THOC7: variants seen among roughly 807,000 people sequenced by gnomAD.
THOC7 encodes NIF3L1-binding protein 1.
THOC7 carries 22 observed loss-of-function variants against 33.1 expected under a neutral mutation model. The ratio of observed to expected loss-of-function variants is 0.66; its 90% CI spans 0.47 to 0.95. The LOEUF is 0.95. THOC7 is among the 40% of genes least tolerant of loss of function. The pLI is 0.00. For synonymous variants in THOC7, 77 were observed against 76.8 expected, an observed-to-expected ratio of 1.00 and a Z score of -0.01; for missense variants, 184 against 245.3, an observed-to-expected ratio of 0.75 and a Z score of 1.67.
Position 63,837,990 on chromosome 3 carries a change from C to T in THOC7, c.338G>A (p.Arg113Gln), listed in dbSNP as rs1421286517. 6 of 1,606,930 alleles carry T rather than the reference C, an allele frequency of 3.7e-6. No individual in the cohort carries two copies. Among genetic ancestry groups the T allele is most frequent in the East Asian group, 2.3e-5 (1 of 44,308 alleles). Residue 113 changes from arginine to glutamine, a missense_variant, in exon 4 of 8, where the codon CGA becomes CAA. Arg to Gln is a conservative substitution (Grantham distance 43). Around this residue, in one of 3 missense-constraint regions of THOC7, gnomAD observed 157 missense variants for 201.3 expected, o/e 0.78. Transcript: ENST00000295899. ...KKQILQAKRIRKNRQEYDALA... is the reference protein window; with the variant it reads ...KKQILQAKRIQKNRQEYDALA... ...AAAACCCTTACCTTGGCGATTTTTT[C>T]GTATTCGTTTTGCTTGAAGAATTTG... is the stretch of plus-strand genomic sequence containing the variant.
At chr3:63,856,131 C>T (rs1463333634) in intron 1 of THOC7, among the ~76,000 whole-genome samples, 1 of 151,984 alleles carries the variant, frequency 6.6e-6, no homozygotes, top group Non-Finnish European at 1.5e-5. Flanking sequence ...AGACTATACA[C>T]ACTGATATAA....
intron 2 of THOC7, among the ~76,000 whole-genome samples, chr3:63,839,266 C>T (rs896847361): frequency 4.6e-5 from 7 of 152,146 alleles, no homozygotes; most frequent in African/African-American, 1.7e-4. Context: ...TCTGCCATTT[C>T]TGCCATTAAA....
Position 63,838,068 on chromosome 3 carries a change from T to C in THOC7, c.266-6A>G. The C allele has an allele frequency of 1.3e-6, 2 of 1,584,824 alleles. No homozygotes were observed. The highest frequency in any genetic ancestry group is 2.3e-5 in the East Asian group (1 of 44,358). On this transcript the variant is annotated splice_region_variant and splice_polypyrimidine_tract_variant and intron_variant, in intron 3 of 7. Coordinates refer to ENST00000295899, the MANE Select transcript of THOC7 (RefSeq NM_025075.4). ...TGCTCCAGCTATGCTACATTCTATA[T>C]GAGAAGGTTTTTTAAAAGATAGTTG... is the stretch of plus-strand genomic sequence containing the variant.
At chr3:63,848,221 G>A (rs1485937503) in intron 1 of THOC7, 1 of 152,128 alleles carries the variant, frequency 6.6e-6, no homozygotes, top group South Asian at 2.1e-4. Context: ...GAGATTAAGA[G>A]TCTGGCACCT....
At chr3:63,836,425 G>A in intron 4 of THOC7, 67 bp from the exon 5 acceptor site, 2 of 1,458,406 alleles carry the variant, frequency 1.4e-6, no homozygotes, top group Non-Finnish European at 1.9e-6. Flanking sequence ...AACAAAATGT[G>A]TAATATCACA....
intron 7 of THOC7, 30 bp downstream of exon 7, chr3:63,835,124 A>G (rs1226489648): frequency 6.2e-7 from 1 of 1,606,820 alleles, no homozygotes; most frequent in Non-Finnish European, 8.5e-7. Flanking sequence ...AATCTTCATA[A>G]GCATTTACTT....
intron 1 of THOC7, among the ~76,000 whole-genome samples, chr3:63,859,536 G>T (rs553512355): frequency 1.3e-5 from 2 of 152,286 alleles, no homozygotes; most frequent in East Asian, 3.9e-4. Context: ...CTCTTCATGT[G>T]GTTGAACCTG....
chr3:63,860,659 A>G (rs1030340933), intron 1 of THOC7: 3 of 152,150 alleles, frequency 2.0e-5, no homozygotes, highest in African/African-American at 7.2e-5. Context: ...TTAATGTACT[A>G]GACTTTATCC....
At chr3:63,858,060 A>C (rs1702144398) in intron 1 of THOC7, among the ~76,000 whole-genome samples, 1 of 152,244 alleles carries the variant, frequency 6.6e-6, no homozygotes, top group Non-Finnish European at 1.5e-5. Flanking sequence ...CAAATGTCTA[A>C]TTAACATTGG....
chr3:63,859,867 T>C (rs544406907), intron 1 of THOC7, among the ~76,000 whole-genome samples: 3 of 152,380 alleles, frequency 2.0e-5, no homozygotes, highest in Admixed American at 2.0e-4. Flanking sequence ...AGTTGTAGTT[T>C]GTCTTTCCTC....
chr3:63,845,787 G>C (rs1192693858), intron 1 of THOC7, among the ~76,000 whole-genome samples: 1 of 152,152 alleles, frequency 6.6e-6, no homozygotes, highest in African/African-American at 2.4e-5. Flanking sequence ...CTAAAGATCT[G>C]AGTACCCTCC....
intron 1 of THOC7, among the ~76,000 whole-genome samples, chr3:63,840,749 A>G (rs1361905765): frequency 6.6e-6 from 1 of 152,260 alleles, no homozygotes; most frequent in Non-Finnish European, 1.5e-5. Context: ...AAACCACAGT[A>G]AAACGTCATT....
chr3:63,840,644 C>G (rs902201085), intron 1 of THOC7, among the ~76,000 whole-genome samples: 4 of 152,096 alleles, frequency 2.6e-5, no homozygotes, highest in African/African-American at 9.7e-5. Flanking sequence ...TGATGGCCAA[C>G]AAGTGGGGTC....
At chr3:63,860,243 C>G (rs1366020397) in intron 1 of THOC7, among the ~76,000 whole-genome samples, 1 of 151,314 alleles carries the variant, frequency 6.6e-6, no homozygotes, top group African/African-American at 2.4e-5. Context: ...TCATGTCTTG[C>G]TGTGTTGCTT....
chr3:63,846,564 C>T (rs569843462), intron 1 of THOC7, among the ~76,000 whole-genome samples: 66 of 152,190 alleles, frequency 4.3e-4, no homozygotes, highest in African/African-American at 1.5e-3. Context: ...CCCACCACCA[C>T]GCCAGGCTAA....
At chr3:63,850,518 T>C (rs530179598) in intron 1 of THOC7, among the ~76,000 whole-genome samples, 1 of 150,588 alleles carries the variant, frequency 6.6e-6, no homozygotes, top group Non-Finnish European at 1.5e-5. Flanking sequence ...TAATTTAAGA[T>C]AGTCATGGGA....
intron 1 of THOC7, among the ~76,000 whole-genome samples, chr3:63,859,571 T>C (rs1157672830): frequency 6.6e-6 from 1 of 152,240 alleles, no homozygotes; most frequent in Non-Finnish European, 1.5e-5. Flanking sequence ...CCTCCCCCAT[T>C]ACTCTCTGTC....
intron 1 of THOC7, among the ~76,000 whole-genome samples, chr3:63,857,859 A>G (rs769350383): frequency 3.3e-5 from 5 of 152,248 alleles, no homozygotes; most frequent in Non-Finnish European, 5.9e-5. Context: ...AGAGTAGTAT[A>G]GTGCTAATAA....
At chr3:63,834,319 T>C (rs1220354450) in intron 7 of THOC7, 120 bp from the exon 8 acceptor site, 5 of 915,396 alleles carry the variant, frequency 5.5e-6, no homozygotes, top group South Asian at 1.7e-5. Context: ...AGATGGCTAC[T>C]AGTTGAATCA....
Sources: gnomAD v4.1 joint callset for allele counts (sites outside exome capture counted in the v4.1 genomes callset) on GRCh38, gnomAD v4.1.1 for gene constraint, gnomAD v4.1.1 regional missense constraint, MANE v1.5 for transcripts, NCBI Gene and HGNC (gene_info 2026-07-23, HGNC 2026-07-21) for gene names.